Variants in PDE2A observed in about 807,000 individuals in gnomAD.
PDE2A encodes cGMP-dependent 3',5'-cyclic phosphodiesterase.
A neutral mutation model predicts 133.6 loss-of-function variants in PDE2A; 53 were observed. The ratio of observed to expected loss-of-function variants is 0.40; its 90% CI spans 0.32 to 0.50. PDE2A has a LOEUF of 0.50. PDE2A is among the 20% of genes least tolerant of loss of function. The probability of loss-of-function intolerance (pLI) is 0.73; values close to 1 mark genes in which losing one functional copy is unlikely to be tolerated. For missense variants in PDE2A, 796 were observed against 1,232.4 expected (o/e 0.65, Z 5.30); for synonymous variants, 491 against 490.2 (o/e 1.00, Z -0.02).
Position 72,665,914 on chromosome 11 carries a change from A to C in PDE2A, c.71+8223T>G, listed in dbSNP as rs532657172. On this transcript the variant is annotated intron_variant, in intron 1 of 30. Coordinates refer to ENST00000334456, the MANE Select transcript of PDE2A (RefSeq NM_002599.5). ...GTGAAAACCTAAAAAACAACAACAA[A>C]AAAAAAACACGAAAAAAAAAGCAAC... Among the ~76,000 whole-genome samples the C allele has an allele frequency of 6.6e-3, 1,003 of 151,822 alleles. 10 individuals are homozygous for C. Among genetic ancestry groups the C allele is most frequent in the Non-Finnish European group, 8.7e-3 (591 of 67,860 alleles).
intron 2 of PDE2A, among the ~76,000 whole-genome samples, chr11:72,620,855 G>A (rs1464797635): frequency 6.6e-6 from 1 of 151,738 alleles, no homozygotes; most frequent in African/African-American, 2.4e-5. Flanking sequence ...CACCAAGCAG[G>A]GGACAGAAGT....
intron 1 of PDE2A, among the ~76,000 whole-genome samples, chr11:72,665,594 C>T (rs1293077590): frequency 6.6e-6 from 1 of 152,276 alleles, no homozygotes; most frequent in Non-Finnish European, 1.5e-5. Flanking sequence ...CTTCTCTGGC[C>T]CCCCATGGCA....
intron 2 of PDE2A, among the ~76,000 whole-genome samples, chr11:72,628,333 CT>C (rs562919002): frequency 0.057 from 8,080 of 141,840 alleles, 643 homozygotes; most frequent in African/African-American, 0.19. Context: ...GATAGAGGTT[CT>C]TTTTTTTTTT....
At chr11:72,607,279 G>A (rs893021296) in intron 3 of PDE2A, among the ~76,000 whole-genome samples, 16 of 152,156 alleles carry the variant, frequency 1.1e-4, no homozygotes, top group African/African-American at 3.1e-4. Context: ...TGGCACAGCC[G>A]CCAGGGCACC....
intron 2 of PDE2A, among the ~76,000 whole-genome samples, chr11:72,641,370 T>TGCCCCCTCCTCACC (rs1858944674): frequency 6.6e-6 from 1 of 152,168 alleles, no homozygotes; most frequent in Non-Finnish European, 1.5e-5. Context: ...CCCTGCTCTC[T>TGCCCCCTCCTCACC]GAGCCTGCCC....
At chr11:72,586,759 T>C (rs146197168) in intron 13 of PDE2A, among the ~76,000 whole-genome samples, 366 of 152,296 alleles carry the variant, frequency 2.4e-3, no homozygotes, top group Non-Finnish European at 1.9e-3. Flanking sequence ...TGGGGCTGGG[T>C]GGACCAATGG....
intron 5 of PDE2A, 140 bp from the exon 6 acceptor site, chr11:72,596,788 G>A (rs1008217199): frequency 2.3e-6 from 1 of 433,866 alleles, no homozygotes; most frequent in Non-Finnish European, 4.0e-6. Flanking sequence ...AAAACCCACA[G>A]AAACACAGAG....
chr11:72,620,926 C>T (rs1337180439), intron 2 of PDE2A, among the ~76,000 whole-genome samples: 2 of 151,996 alleles, frequency 1.3e-5, no homozygotes, highest in Admixed American at 6.6e-5. Flanking sequence ...AGCGCACCTT[C>T]ACTGTGCTCC....
intron 4 of PDE2A, among the ~76,000 whole-genome samples, chr11:72,601,987 T>A (rs1043671573): frequency 6.6e-6 from 1 of 152,144 alleles, no homozygotes; most frequent in Non-Finnish European, 1.5e-5. Context: ...GTTCTTCCTG[T>A]GGAAGAACCC....
At chr11:72,635,150 C>A (rs528508232) in intron 2 of PDE2A, among the ~76,000 whole-genome samples, 1 of 152,250 alleles carries the variant, frequency 6.6e-6, no homozygotes, top group Middle Eastern at 3.4e-3. Flanking sequence ...AGCCCCTTAC[C>A]CTGCAAGCTT....
chr11:72,619,052 G>GCACACACA (rs141623815), intron 2 of PDE2A, among the ~76,000 whole-genome samples: 1 of 150,542 alleles, frequency 6.6e-6, no homozygotes. Flanking sequence ...CACAGCGTGC[G>GCACACACA]CACACACACA....
chr11:72,652,253 T>C (rs1437591888), intron 1 of PDE2A, among the ~76,000 whole-genome samples: 1 of 152,158 alleles, frequency 6.6e-6, no homozygotes, highest in Non-Finnish European at 1.5e-5. Flanking sequence ...CAGAGTCCCT[T>C]CTCCATGGGC....
At chr11:72,635,030 T>C (rs1858610946) in intron 2 of PDE2A, among the ~76,000 whole-genome samples, 1 of 152,206 alleles carries the variant, frequency 6.6e-6, no homozygotes, top group African/African-American at 2.4e-5. Flanking sequence ...CTTCCTCCAC[T>C]GCTGCCATTT....
Position 72,585,366 on chromosome 11 carries a change from C to T in PDE2A, c.1286+5G>A. The T allele has an allele frequency of 6.2e-7, 1 of 1,613,266 alleles. No homozygotes were observed. Among genetic ancestry groups the T allele is most frequent in the Non-Finnish European group, 8.5e-7 (1 of 1,179,318 alleles). ...TCGCCCTGTCCCCTGGGTAGAGTCA[C>T]TCACATCTCTGCGTTGCTGAGGTTT... On this transcript the variant is annotated splice_donor_5th_base_variant and intron_variant, in intron 16 of 30. Transcript: ENST00000334456.
At chr11:72,615,389 G>A (rs1224248516) in intron 2 of PDE2A, among the ~76,000 whole-genome samples, 1 of 152,226 alleles carries the variant, frequency 6.6e-6, no homozygotes, top group Admixed American at 6.5e-5. Flanking sequence ...GAGAAGGCAG[G>A]CAAGAGTTGC....
At chr11:72,657,341 A>AGAG in intron 1 of PDE2A, among the ~76,000 whole-genome samples, 1 of 152,314 alleles carries the variant, frequency 6.6e-6, no homozygotes, top group Non-Finnish European at 1.5e-5. Context: ...AGGAGGGGAA[A>AGAG]GAGGAGGGAT....
chr11:72,648,395 G>A (rs1218618220), intron 1 of PDE2A, among the ~76,000 whole-genome samples: 1 of 152,156 alleles, frequency 6.6e-6, no homozygotes, highest in Non-Finnish European at 1.5e-5. Context: ...ATGTGGCCAC[G>A]GGCAGGTGCT....
Position 72,588,955 on chromosome 11 carries a change from A to G in PDE2A, c.940-41T>C, listed in dbSNP as rs767456578. 5.1e-6 allele frequency: 8 copies of G among 1,572,722 alleles called. No individual in the cohort carries two copies. In the South Asian group the frequency reaches 8.0e-5, roughly 16 times the overall value. The stretch of plus-strand genomic sequence containing the variant: ...AAGTCAGGGCAGGGAAGCAGGGCGC[A>G]GTATGCTTCCCTCCTCCAGCCCTCC... On this transcript the variant is annotated intron_variant, in intron 12 of 30. Transcript: ENST00000334456.
chr11:72,608,835 C>A (rs987012449), intron 2 of PDE2A, 84 bp from the exon 3 acceptor site: 3 of 740,806 alleles, frequency 4.0e-6, no homozygotes, highest in Non-Finnish European at 7.3e-6. Context: ...GAGCAAAACC[C>A]CCCAGCTTAG....
Sources: allele counts gnomAD v4.1 joint callset (sites outside exome capture counted in the v4.1 genomes callset), GRCh38; gene constraint gnomAD v4.1.1; transcripts MANE v1.5; gene names NCBI Gene and HGNC (gene_info 2026-07-23, HGNC 2026-07-21).